The following PLCE1 variants were observed in gnomAD, a reference collection of about 807,000 sequenced individuals.
PLCE1 encodes the protein phospholipase C epsilon 1.
Under a neutral mutation model 242.8 loss-of-function variants are expected in PLCE1, and 119 were observed. The ratio of observed to expected loss-of-function variants is 0.49; its 90% CI spans 0.42 to 0.57. The LOEUF (loss-of-function observed/expected upper bound fraction) is 0.57, where lower values mean the gene tolerates loss of function less well. Ranked by LOEUF, PLCE1 falls within the 20% of genes least tolerant of loss-of-function variation. PLCE1 has a pLI of 0.00. For synonymous variants in PLCE1, 945 were observed against 1,017.4 expected (o/e 0.93, Z 1.35); for missense variants, 2,441 against 2,788.8 (o/e 0.88, Z 2.81).
intron 5 of PLCE1, 41 bp from the exon 6 acceptor site, chr10:94,234,013 A>G: frequency 6.4e-7 from 1 of 1,566,516 alleles, no homozygotes; most frequent in South Asian, 1.1e-5. Context: ...AAACTATATT[A>G]TTTCTCCTTC....
chr10:94,264,755 C>T (rs1035090340), intron 14 of PLCE1, among the ~76,000 whole-genome samples: 4 of 151,800 alleles, frequency 2.6e-5, no homozygotes, highest in Admixed American at 2.6e-4. Context: ...CTCCTGACCT[C>T]GTGATCCACC....
At position 94,263,519 on chromosome 10, in the gene PLCE1, AAAAAAAAAAAAG is replaced by A. The variant is rs2051389395; in HGVS notation, c.4053+793_4053+804del. Among the ~76,000 whole-genome samples the A allele has an allele frequency of 1.1e-4, 17 of 151,110 alleles. No homozygotes were observed. In the South Asian group the frequency reaches 3.6e-3, roughly 32 times the overall value. ...ACAGAGCAAGACCCCATCTCAAAAAAAAAAAAAAAAAGAAAAAGAAAAATCAGCCAGGCATGG... is the reference window on the plus strand; with the variant it reads ...ACAGAGCAAGACCCCATCTCAAAAAAAAAAAGAAAAATCAGCCAGGCATGG... On this transcript the variant is annotated intron_variant, in intron 14 of 32. Transcript: ENST00000371380.
At chr10:94,163,349 G>A (rs969762592) in intron 3 of PLCE1, among the ~76,000 whole-genome samples, 1 of 152,156 alleles carries the variant, frequency 6.6e-6, no homozygotes, top group Non-Finnish European at 1.5e-5. Flanking sequence ...CCTGTATTGG[G>A]TGCACATGTA....
chr10:94,286,733 G>T (rs527528537), intron 22 of PLCE1: 1 of 152,228 alleles, frequency 6.6e-6, no homozygotes, highest in East Asian at 1.9e-4. Flanking sequence ...CAGGAACCTG[G>T]CCATTTAAGT....
At position 94,331,177 on chromosome 10, in the gene PLCE1, G is replaced by C. The variant is rs1306031285; in HGVS notation, c.*3234G>C. On this transcript the variant is annotated 3_prime_UTR_variant, in exon 33 of 33. Transcript: ENST00000371380. Reference sequence around the variant, plus strand: ...ATGAAGTCTAGACTCAACAAAAGTTGAGTTACAAGTGACTTGTTTTTAATC... The same window carrying C: ...ATGAAGTCTAGACTCAACAAAAGTTCAGTTACAAGTGACTTGTTTTTAATC... The C allele has an allele frequency of 6.6e-6, 1 of 152,220 alleles. No homozygotes were observed. The highest frequency in any genetic ancestry group is 1.5e-5 in the Non-Finnish European group (1 of 68,040). 9.4% of individuals were successfully genotyped at this position (152,220 alleles called of 1,614,324 possible).
chr10:94,142,820 A>T lies in PLCE1; in HGVS notation c.1492+10361A>T, dbSNP rs574463974. On this transcript the variant is annotated intron_variant, in intron 3 of 32. Coordinates refer to ENST00000371380, the MANE Select transcript of PLCE1 (RefSeq NM_016341.4). ...CTGGGACACCTAAGGGGAGGTATCT[A>T]GTGGCTGGAGGCCACACCTGTGTAA... Among the ~76,000 whole-genome samples, 7 of 152,352 alleles carry T rather than the reference A, an allele frequency of 4.6e-5. No individual in the cohort carries two copies. In the East Asian group the frequency reaches 1.4e-3, roughly 29 times the overall value.
At chr10:94,206,933 C>T (rs947015485) in intron 4 of PLCE1, among the ~76,000 whole-genome samples, 12 of 152,200 alleles carry the variant, frequency 7.9e-5, no homozygotes, top group South Asian at 2.1e-4. Context: ...CATGCACACA[C>T]GTACATACAA....
At chr10:94,149,676 T>C (rs1216300394) in intron 3 of PLCE1, among the ~76,000 whole-genome samples, 1 of 152,192 alleles carries the variant, frequency 6.6e-6, no homozygotes, top group Non-Finnish European at 1.5e-5. Context: ...TTGAGTCTCT[T>C]GGTCTCATTC....
chr10:94,045,412 A>G (rs1268494286), intron 2 of PLCE1, among the ~76,000 whole-genome samples: 1 of 152,174 alleles, frequency 6.6e-6, no homozygotes, highest in Non-Finnish European at 1.5e-5. Flanking sequence ...TTGGGATTAT[A>G]GGCATGAGCC....
chr10:94,312,487 CTT>C (rs1263010454), intron 27 of PLCE1, among the ~76,000 whole-genome samples: 1 of 152,216 alleles, frequency 6.6e-6, no homozygotes, highest in Non-Finnish European at 1.5e-5. Context: ...TTGGGGTTCT[CTT>C]GTCTCATTCT....
intron 4 of PLCE1, among the ~76,000 whole-genome samples, chr10:94,184,681 C>T (rs1310524944): frequency 2.0e-5 from 3 of 152,192 alleles, no homozygotes. Flanking sequence ...GTTTTAGCCA[C>T]ACAACCTTTC....
intron 2 of PLCE1, among the ~76,000 whole-genome samples, chr10:94,115,728 A>T (rs1266965739): frequency 6.6e-6 from 1 of 152,146 alleles, no homozygotes; most frequent in Non-Finnish European, 1.5e-5. Context: ...GTTCACTCTG[A>T]TGGTAGTTTC....
At chr10:94,250,954 C>G (rs2050852922) in intron 8 of PLCE1, among the ~76,000 whole-genome samples, 1 of 152,152 alleles carries the variant, frequency 6.6e-6, no homozygotes, top group South Asian at 2.1e-4. Context: ...CTTCAGCAGG[C>G]CTCCAGCAGA....
chr10:94,214,415 C>T (rs543616073), intron 4 of PLCE1, among the ~76,000 whole-genome samples: 2 of 152,280 alleles, frequency 1.3e-5, no homozygotes, highest in Admixed American at 6.5e-5. Flanking sequence ...GATTTATTCC[C>T]TTACGAGTTT....
chr10:94,249,435 A>AC, intron 8 of PLCE1, among the ~76,000 whole-genome samples: 2 of 151,964 alleles, frequency 1.3e-5, no homozygotes, highest in African/African-American at 4.8e-5. Flanking sequence ...TAAAAAAAAA[A>AC]ACTATTTAAA....
intron 4 of PLCE1, among the ~76,000 whole-genome samples, chr10:94,176,254 G>A (rs943072443): frequency 1.3e-5 from 2 of 151,976 alleles, no homozygotes; most frequent in African/African-American, 4.8e-5. Context: ...CAAAAAATTA[G>A]CCAGGCATGG....
intron 3 of PLCE1, among the ~76,000 whole-genome samples, chr10:94,147,087 G>A (rs1237807374): frequency 2.6e-5 from 4 of 151,976 alleles, no homozygotes; most frequent in African/African-American, 7.3e-5. Context: ...ACAGTTAAGT[G>A]GCATCATTTT....
intron 2 of PLCE1, among the ~76,000 whole-genome samples, chr10:94,040,167 G>T (rs2061737852): frequency 6.6e-6 from 1 of 152,036 alleles, no homozygotes; most frequent in Non-Finnish European, 1.5e-5. Flanking sequence ...TGTTGCCCAG[G>T]CTAGTCTCCA....
intron 27 of PLCE1, among the ~76,000 whole-genome samples, chr10:94,311,290 C>T (rs1471742551): frequency 2.6e-5 from 4 of 152,210 alleles, no homozygotes; most frequent in South Asian, 2.1e-4. Flanking sequence ...TGAGGTCTGG[C>T]AGCAGGGCTG....
Sources: gnomAD v4.1 joint callset for allele counts (sites outside exome capture counted in the v4.1 genomes callset) on GRCh38, gnomAD v4.1.1 for gene constraint, MANE v1.5 for transcripts, NCBI Gene and HGNC (gene_info 2026-07-23, HGNC 2026-07-21) for gene names.